The following SYT1 variants were observed in gnomAD, a reference collection of about 807,000 sequenced individuals.
The protein encoded by SYT1 is synaptotagmin-1.
Under a neutral mutation model 44.8 loss-of-function variants are expected in SYT1, and 8 were observed. The ratio of observed to expected loss-of-function variants is 0.18; its 90% CI spans 0.10 to 0.32. The LOEUF (loss-of-function observed/expected upper bound fraction) is 0.32, where lower values mean the gene tolerates loss of function less well. Ranked by LOEUF, SYT1 falls within the 10% of genes least tolerant of loss-of-function variation. The pLI is 1.00. For synonymous variants in SYT1, 154 were observed against 188.8 expected (o/e 0.82, Z 1.51); for missense variants, 286 against 509.3 (o/e 0.56, Z 4.22).
intron 3 of SYT1, among the ~76,000 whole-genome samples, chr12:79,127,359 AC>A (rs1156618308): frequency 6.6e-6 from 1 of 152,222 alleles, no homozygotes; most frequent in Non-Finnish European, 1.5e-5. Flanking sequence ...TTAACATAGC[AC>A]TGGTTGCAAA....
intron 4 of SYT1, among the ~76,000 whole-genome samples, chr12:79,282,699 G>A (rs996578007): frequency 1.3e-5 from 2 of 151,872 alleles, no homozygotes; most frequent in East Asian, 1.9e-4. Context: ...TTTTTTCTCC[G>A]TATACATTTT....
chr12:79,305,788 C>T (rs928888842), intron 8 of SYT1, among the ~76,000 whole-genome samples: 7 of 152,192 alleles, frequency 4.6e-5, no homozygotes, highest in African/African-American at 1.7e-4. Context: ...CCCCCGCCTC[C>T]CGGGTTCAAG....
At chr12:78,981,919 G>A (rs571757540) in intron 2 of SYT1, among the ~76,000 whole-genome samples, 1 of 152,174 alleles carries the variant, frequency 6.6e-6, no homozygotes, top group South Asian at 2.1e-4. Flanking sequence ...GAAGGGAACA[G>A]GTGGCATCCA....
At chr12:79,290,458 G>A (rs1036874635) in intron 5 of SYT1, among the ~76,000 whole-genome samples, 9 of 152,162 alleles carry the variant, frequency 5.9e-5, no homozygotes, top group African/African-American at 2.2e-4. Context: ...AGACCATGTA[G>A]TCTTGGATGT....
intron 1 of SYT1, among the ~76,000 whole-genome samples, chr12:78,951,509 C>T (rs77128932): frequency 1.8e-4 from 28 of 152,028 alleles, no homozygotes; most frequent in African/African-American, 6.5e-4. Context: ...CATATGAACA[C>T]CAGTGTAATT....
At chr12:79,371,406 C>G (rs562749657) in intron 9 of SYT1, among the ~76,000 whole-genome samples, 4 of 152,224 alleles carry the variant, frequency 2.6e-5, no homozygotes, top group Admixed American at 2.6e-4. Context: ...TGAATACTCT[C>G]TATAGATTAT....
At position 78,908,792 on chromosome 12, in the gene SYT1, TCATGA is replaced by T. The variant is rs578255110; in HGVS notation, c.-217+43688_-217+43692del. ...TCCACTATTTTGGCCCTTAGTAAAG[TCATGA>T]CATGTCCAGGTTTAACCTCTTATCT... On this transcript the variant is annotated intron_variant, in intron 1 of 10. Transcript: ENST00000261205. 3.0e-3 allele frequency among the ~76,000 whole-genome samples: 453 copies of T among 152,018 alleles called. 1 individual carries two copies. Among genetic ancestry groups the T allele is most frequent in the South Asian group, 5.4e-3 (26 of 4,828 alleles).
chr12:79,155,809 T>C (rs1870558672), intron 3 of SYT1, among the ~76,000 whole-genome samples: 1 of 152,226 alleles, frequency 6.6e-6, no homozygotes. Flanking sequence ...GGAATTCTTC[T>C]GTTGCCTTCC....
At chr12:79,045,152 G>T (rs938749344) in intron 2 of SYT1, among the ~76,000 whole-genome samples, 1 of 152,196 alleles carries the variant, frequency 6.6e-6, no homozygotes, top group African/African-American at 2.4e-5. Context: ...GCTCCACCCA[G>T]TTCGAGCTTC....
At chr12:79,303,640 G>T (rs764888291) in intron 8 of SYT1, among the ~76,000 whole-genome samples, 20 of 152,040 alleles carry the variant, frequency 1.3e-4, no homozygotes, top group South Asian at 4.1e-4. Flanking sequence ...GAAGGGAAGA[G>T]AAACTACTTT....
chr12:79,218,561 C>T (rs1874956259), intron 4 of SYT1, among the ~76,000 whole-genome samples: 1 of 152,168 alleles, frequency 6.6e-6, no homozygotes, highest in Non-Finnish European at 1.5e-5. Context: ...TGGTAACCAC[C>T]ATTCTACTCT....
chr12:79,408,060 G>A (rs1868303248), intron 9 of SYT1, among the ~76,000 whole-genome samples: 1 of 152,032 alleles, frequency 6.6e-6, no homozygotes, highest in Non-Finnish European at 1.5e-5. Context: ...GTTTATCCTG[G>A]GTATTACACT....
intron 3 of SYT1, among the ~76,000 whole-genome samples, chr12:79,166,790 A>G (rs1218647921): frequency 2.6e-5 from 4 of 152,096 alleles, no homozygotes; most frequent in Non-Finnish European, 5.9e-5. Context: ...GGGAAGCTTT[A>G]GAGATGCCTT....
intron 3 of SYT1, among the ~76,000 whole-genome samples, chr12:79,090,477 T>C (rs1005026449): frequency 1.3e-5 from 2 of 151,908 alleles, no homozygotes; most frequent in Non-Finnish European, 2.9e-5. Flanking sequence ...CAGCCAATAC[T>C]CCCTCATTCC....
chr12:79,255,003 A>G (rs1327336873), intron 4 of SYT1, among the ~76,000 whole-genome samples: 1 of 152,202 alleles, frequency 6.6e-6, no homozygotes, highest in Admixed American at 6.5e-5. Context: ...ACAACAAAGG[A>G]TTTGGATTAC....
At chr12:78,992,398 G>GCTT (rs1182693996) in intron 2 of SYT1, among the ~76,000 whole-genome samples, 1 of 152,160 alleles carries the variant, frequency 6.6e-6, no homozygotes, top group African/African-American at 2.4e-5. Context: ...TTTAAATAGT[G>GCTT]CTTCATAAAC....
chr12:79,043,125 G>C (rs1169430996), intron 2 of SYT1, among the ~76,000 whole-genome samples: 1 of 151,186 alleles, frequency 6.6e-6, no homozygotes, highest in Non-Finnish European at 1.5e-5. Flanking sequence ...GGAGGGTTCT[G>C]TAGATGTCTA....
intron 1 of SYT1, among the ~76,000 whole-genome samples, chr12:78,903,022 CA>C (rs2137102968): frequency 6.6e-6 from 1 of 152,168 alleles, no homozygotes; most frequent in Non-Finnish European, 1.5e-5. Context: ...AGTATTAAAT[CA>C]GCTGGATTTG....
At chr12:79,144,130 T>G (rs1276431546) in intron 3 of SYT1, among the ~76,000 whole-genome samples, 2 of 152,194 alleles carry the variant, frequency 1.3e-5, no homozygotes, top group Admixed American at 1.3e-4. Context: ...TCATTTAGTT[T>G]ACAATGCATC....
Sources: gnomAD v4.1 joint callset for allele counts (sites outside exome capture counted in the v4.1 genomes callset) on GRCh38, gnomAD v4.1.1 for gene constraint, MANE v1.5 for transcripts, NCBI Gene and HGNC (gene_info 2026-07-23, HGNC 2026-07-21) for gene names.